NFIC: variants seen among roughly 807,000 people sequenced by gnomAD.
NFIC encodes the protein nuclear factor I C, also known as nuclear factor 1 C-type.
In NFIC, 12 loss-of-function variants were observed where a neutral mutation model predicts 54.4. The observed-to-expected ratio is 0.22, with a 90% CI of 0.14 to 0.36. The LOEUF is 0.36. NFIC is among the 10% of genes least tolerant of loss of function. The pLI is 1.00. For missense variants in NFIC, 575 were observed against 718.2 expected, an observed-to-expected ratio of 0.80 and a Z score of 2.28; for synonymous variants, 322 against 319.2, an observed-to-expected ratio of 1.01 and a Z score of -0.09.
At chr19:3,417,124 A>G (rs1180238929) in intron 2 of NFIC, among the ~76,000 whole-genome samples, 2 of 148,236 alleles carry the variant, frequency 1.3e-5, no homozygotes, top group Non-Finnish European at 3.0e-5. Context: ...TGACCTCGTG[A>G]TCCGCCCGCC....
intron 6 of NFIC, among the ~76,000 whole-genome samples, chr19:3,437,415 A>G (rs1217600699): frequency 6.6e-6 from 1 of 151,296 alleles, no homozygotes; most frequent in African/African-American, 2.4e-5. Flanking sequence ...GGACGCATCT[A>G]GTTGTGACAT....
At position 3,372,717 on chromosome 19, in the gene NFIC, G is replaced by GGGC. The variant is rs2081043446; in HGVS notation, c.30+6053_30+6054insCGG. On this transcript the variant is annotated intron_variant, in intron 1 of 10. Coordinates refer to ENST00000443272, the MANE Select transcript of NFIC (RefSeq NM_001245002.2). Reference sequence around the variant, plus strand: ...CAAGGGGCCCAGGAGTGGGGTGGGGGGGTGCCAGGAGGCCCAGGGACCAGT... The same window carrying GGGC: ...CAAGGGGCCCAGGAGTGGGGTGGGGGGGCGGTGCCAGGAGGCCCAGGGACCAGT... Among the ~76,000 whole-genome samples, 3 of 150,326 alleles carry GGGC rather than the reference G, an allele frequency of 2.0e-5. 1 individual carries two copies. Among genetic ancestry groups the GGGC allele is most frequent in the African/African-American group, 4.9e-5 (2 of 40,732 alleles).
chr19:3,429,136 TACACACAC>T (rs57006287), intron 3 of NFIC, among the ~76,000 whole-genome samples: 2,614 of 83,860 alleles, frequency 0.031, 60 homozygotes, highest in Non-Finnish European at 0.045. Context: ...AAAAAAAATA[TACACACAC>T]ACACACACAC....
chr19:3,455,067 T>C (rs547082159), intron 9 of NFIC, among the ~76,000 whole-genome samples: 238 of 152,304 alleles, frequency 1.6e-3, no homozygotes, highest in African/African-American at 5.2e-3. Context: ...CACAGGGCAG[T>C]GGGGGACAAG....
chr19:3,459,170 C>T lies in NFIC; in HGVS notation c.1509+2535C>T, dbSNP rs981607969. On this transcript the variant is annotated intron_variant, in intron 10 of 10. Transcript: ENST00000443272. The surrounding 1 kb of genome is among the most constrained non-coding windows in gnomAD (Gnocchi z 4.2). ...TCCTGGCGGATTCGCTTCCCTCTGC[C>T]CCCTCCTCCCCCAAAGCCTGGGTGG... Among the ~76,000 whole-genome samples, 4 of 151,902 alleles carry T rather than the reference C, an allele frequency of 2.6e-5. No individual in the cohort carries two copies. Among genetic ancestry groups the T allele is most frequent in the African/African-American group, 9.7e-5 (4 of 41,354 alleles).
At chr19:3,435,285 T>C (rs1370235448) in intron 6 of NFIC, 78 bp downstream of exon 6, 2 of 1,440,312 alleles carry the variant, frequency 1.4e-6, no homozygotes, top group Non-Finnish European at 9.2e-7. Context: ...CGGCAGCCAC[T>C]GCGCGGGCGC....
Position 3,380,264 on chromosome 19 carries a change from A to C in NFIC, c.31-1448A>C, listed in dbSNP as rs542236800. Among the ~76,000 whole-genome samples, 184 of 148,654 alleles carry C rather than the reference A, an allele frequency of 1.2e-3. 1 individual carries two copies. The highest frequency in any genetic ancestry group is 4.5e-3 in the African/African-American group (179 of 40,132). On this transcript the variant is annotated intron_variant, in intron 1 of 10. Transcript: ENST00000443272. ...CGTGATCTGCCCGCCTTGGCCTCCC[A>C]AAGTGCTGGGATTACAAGCGTGAGC...
Position 3,382,697 on chromosome 19 carries a change from G to A in NFIC, c.562+454G>A, listed in dbSNP as rs143664652. ...AGGCGGGCCTGGGAGAGCGTCTGAC[G>A]CCGGGTGACACGGGGCAAGGAGGGT... On this transcript the variant is annotated intron_variant, in intron 2 of 10. Coordinates refer to ENST00000443272, the MANE Select transcript of NFIC (RefSeq NM_001245002.2). 5.5e-3 allele frequency among the ~76,000 whole-genome samples: 795 copies of A among 143,932 alleles called. 5 individuals are homozygous for A. Among genetic ancestry groups the A allele is most frequent in the South Asian group, 0.013 (55 of 4,400 alleles). The allele number at this position is 143,932 out of a possible 152,430, so 94.4% of individuals were successfully genotyped here. A position where few individuals can be genotyped will look rare whatever the true frequency, so the allele number is the denominator to read the frequency against.
intron 2 of NFIC, among the ~76,000 whole-genome samples, chr19:3,412,695 G>A (rs1289379679): frequency 1.3e-5 from 2 of 152,144 alleles, no homozygotes; most frequent in Non-Finnish European, 2.9e-5. Context: ...TGGTTAAAAG[G>A]CATTAAACAA....
In NFIC at chr19:3,370,209, G is replaced by A. The variant is rs1456535246; in HGVS notation, c.30+3543G>A. Among the ~76,000 whole-genome samples the A allele has an allele frequency of 1.3e-5, 2 of 152,134 alleles. No homozygotes were observed. Among genetic ancestry groups the A allele is most frequent in the Admixed American group, 1.3e-4 (2 of 15,278 alleles). On this transcript the variant is annotated intron_variant, in intron 1 of 10. Transcript: ENST00000443272. The surrounding 1 kb of genome is among the most constrained non-coding windows in gnomAD (Gnocchi z 5.2). Reference sequence around the variant, plus strand: ...GGCCTGCCCGAGGTGGCACAGTGGGGCTGGCAGAGCTGGGGTTCAGGCCAT... The same window carrying A: ...GGCCTGCCCGAGGTGGCACAGTGGGACTGGCAGAGCTGGGGTTCAGGCCAT...
rs540330373 is a variant in NFIC, at chr19:3,369,575, G to A, written c.30+2909G>A. The stretch of plus-strand genomic sequence containing the variant: ...GCCACCCGGGCCCGGCCCGCCGAGT[G>A]GGGAGTGGGTGCTGGCGGCCCTGGG... On this transcript the variant is annotated intron_variant, in intron 1 of 10. Coordinates refer to ENST00000443272, the MANE Select transcript of NFIC (RefSeq NM_001245002.2). This position sits in a 1 kb window ranked among gnomAD's most constrained non-coding sequence, Gnocchi z 4.3. Among the ~76,000 whole-genome samples, 1 of 152,196 alleles carries A rather than the reference G, an allele frequency of 6.6e-6. No homozygotes were observed. Among genetic ancestry groups the A allele is most frequent in the Non-Finnish European group, 1.5e-5 (1 of 68,014 alleles).
chr19:3,408,448 T>C (rs2081692866), intron 2 of NFIC, among the ~76,000 whole-genome samples: 1 of 151,258 alleles, frequency 6.6e-6, no homozygotes, highest in Non-Finnish European at 1.5e-5. Context: ...CATCACACAC[T>C]TTTTTTTTCT....
intron 2 of NFIC, among the ~76,000 whole-genome samples, chr19:3,409,341 T>C (rs2081711017): frequency 6.6e-6 from 1 of 152,136 alleles, no homozygotes; most frequent in Non-Finnish European, 1.5e-5. Flanking sequence ...CGTCACATCC[T>C]CAGAGAGGTT....
chr19:3,376,882 C>A (rs9748965), intron 1 of NFIC, among the ~76,000 whole-genome samples: 11,114 of 151,814 alleles, frequency 0.073, 502 homozygotes, highest in African/African-American at 0.12. Flanking sequence ...GCGCCTGTCA[C>A]CATACCTGGC....
At chr19:3,431,901 G>C (rs182704041) in intron 3 of NFIC, among the ~76,000 whole-genome samples, 2 of 152,212 alleles carry the variant, frequency 1.3e-5, no homozygotes, top group Non-Finnish European at 2.9e-5. Context: ...TTTCCAGTTT[G>C]AGCTGTGGTG....
intron 2 of NFIC, among the ~76,000 whole-genome samples, chr19:3,393,443 T>C (rs34508807): frequency 0.26 from 38,884 of 151,996 alleles, 5,728 homozygotes; most frequent in East Asian, 0.41. Context: ...AGTTCTAGAA[T>C]TTCTTCCACT....
chr19:3,368,400 G>T (rs1216782086), intron 1 of NFIC, among the ~76,000 whole-genome samples: 1 of 152,174 alleles, frequency 6.6e-6, no homozygotes, highest in Non-Finnish European at 1.5e-5. Context: ...TGCTAACTCG[G>T]CCTCAGTTTC....
At chr19:3,394,958 G>T (rs1479450473) in intron 2 of NFIC, among the ~76,000 whole-genome samples, 90 of 152,208 alleles carry the variant, frequency 5.9e-4, no homozygotes, top group Non-Finnish European at 4.4e-5. Flanking sequence ...GGGCCAAGAA[G>T]GTTGGAGGCT....
chr19:3,434,947 C>G (rs2082175254), intron 5 of NFIC, 136 bp from the exon 6 acceptor site: 1 of 1,229,832 alleles, frequency 8.1e-7, no homozygotes, highest in Admixed American at 2.8e-5. Flanking sequence ...TGAACGCCCG[C>G]GGCTCCCGCG....
Sources: gnomAD v4.1 joint callset for allele counts (sites outside exome capture counted in the v4.1 genomes callset) on GRCh38, gnomAD v4.1.1 for gene constraint, Gnocchi (gnomAD v3.1) non-coding constraint, MANE v1.5 for transcripts, NCBI Gene and HGNC (gene_info 2026-07-23, HGNC 2026-07-21) for gene names.